MSRB3: variants seen among roughly 807,000 people sequenced by gnomAD.
MSRB3 encodes the protein methionine-R-sulfoxide reductase B3.
MSRB3 carries 13 observed loss-of-function variants against 21.0 expected under a neutral mutation model. The ratio of observed to expected loss-of-function variants is 0.62; its 90% CI spans 0.40 to 0.98. The LOEUF (loss-of-function observed/expected upper bound fraction) is 0.98, where lower values mean the gene tolerates loss of function less well. Ranked by LOEUF, MSRB3 falls within the 50% of genes least tolerant of loss-of-function variation. The pLI, the probability that MSRB3 is intolerant of heterozygous loss-of-function variation, is 0.00. For synonymous variants in MSRB3, 87 were observed against 88.6 expected, an observed-to-expected ratio of 0.98 and a Z score of 0.10; for missense variants, 199 against 230.3, an observed-to-expected ratio of 0.86 and a Z score of 0.88.
chr12:65,410,391 C>G (rs914209113), intron 5 of MSRB3, among the ~76,000 whole-genome samples: 5 of 152,154 alleles, frequency 3.3e-5, no homozygotes, highest in Admixed American at 3.3e-4. Context: ...TGTGGTGGCT[C>G]ATGCCTATAA....
At chr12:65,306,763 T>C (rs1873677349) in intron 1 of MSRB3, 8 of 827,954 alleles carry the variant, frequency 9.7e-6, no homozygotes, top group Non-Finnish European at 1.2e-5. Context: ...GGCAACAGAA[T>C]ATTAAATCAC....
At chr12:65,347,175 C>A (rs1360976307) in intron 4 of MSRB3, among the ~76,000 whole-genome samples, 1 of 152,170 alleles carries the variant, frequency 6.6e-6, no homozygotes, top group East Asian at 1.9e-4. Flanking sequence ...TTACCTTGGG[C>A]AGTATGGGCA....
chr12:65,294,663 T>G (rs543911918), intron 1 of MSRB3, among the ~76,000 whole-genome samples: 1 of 152,376 alleles, frequency 6.6e-6, no homozygotes, highest in African/African-American at 2.4e-5. Flanking sequence ...TTTTGTATTG[T>G]AACTTTATAT....
chr12:65,330,779 A>G (rs1276753290), intron 4 of MSRB3, among the ~76,000 whole-genome samples: 2 of 152,012 alleles, frequency 1.3e-5, no homozygotes, highest in African/African-American at 4.8e-5. Context: ...GTGAAATCGT[A>G]TTTCACCTTG....
chr12:65,323,546 T>G (rs1250743036), intron 2 of MSRB3, among the ~76,000 whole-genome samples: 1 of 152,192 alleles, frequency 6.6e-6, no homozygotes, highest in African/African-American at 2.4e-5. Context: ...GAAAAATCTT[T>G]CCCAAACATA....
At chr12:65,370,278 T>C (rs1016257931) in intron 5 of MSRB3, among the ~76,000 whole-genome samples, 35 of 152,292 alleles carry the variant, frequency 2.3e-4, no homozygotes, top group African/African-American at 7.9e-4. Context: ...CTTTTTCATT[T>C]TTTAAGTTAA....
At chr12:65,281,863 CT>C (rs1872042464) in intron 1 of MSRB3, 1 of 152,164 alleles carries the variant, frequency 6.6e-6, no homozygotes, top group African/African-American at 2.4e-5. Flanking sequence ...TTGGATCTAC[CT>C]ATCTGATTTA....
chr12:65,405,461 C>T (rs1592606202), intron 5 of MSRB3, among the ~76,000 whole-genome samples: 1 of 150,730 alleles, frequency 6.6e-6, no homozygotes, highest in Non-Finnish European at 1.5e-5. Context: ...ATATATACAC[C>T]ACATATTCCT....
intron 5 of MSRB3, among the ~76,000 whole-genome samples, chr12:65,434,916 G>A (rs999498023): frequency 2.6e-5 from 4 of 151,798 alleles, no homozygotes; most frequent in Non-Finnish European, 4.4e-5. Context: ...TAGTAGAGCC[G>A]GGATCGATTT....
At chr12:65,445,627 C>T (rs4762098) in intron 5 of MSRB3, among the ~76,000 whole-genome samples, 77,812 of 149,940 alleles carry the variant, frequency 0.52, 20,994 homozygotes, top group Non-Finnish European at 0.62. Flanking sequence ...AAATTCCCTA[C>T]TTTTCAAGAC....
intron 5 of MSRB3, among the ~76,000 whole-genome samples, chr12:65,383,759 C>T (rs1879067368): frequency 6.6e-6 from 1 of 150,840 alleles, no homozygotes; most frequent in African/African-American, 2.4e-5. Flanking sequence ...CTCCCTGGTT[C>T]AAGTGATTTT....
intron 4 of MSRB3, among the ~76,000 whole-genome samples, chr12:65,363,329 CAT>C (rs1408746075): frequency 2.0e-5 from 3 of 152,078 alleles, no homozygotes; most frequent in Non-Finnish European, 2.9e-5. Context: ...CTTCAATACA[CAT>C]AGAATTTTTG....
chr12:65,330,081 A>T (rs1005345116), intron 4 of MSRB3, among the ~76,000 whole-genome samples: 1 of 152,226 alleles, frequency 6.6e-6, no homozygotes. Flanking sequence ...CCAAATGGTA[A>T]AAATTGGCCA....
At chr12:65,296,173 T>G (rs1049381887) in intron 1 of MSRB3, among the ~76,000 whole-genome samples, 12 of 152,234 alleles carry the variant, frequency 7.9e-5, no homozygotes, top group African/African-American at 2.7e-4. Flanking sequence ...TATAATGATT[T>G]CTCTGACAGT....
intron 4 of MSRB3, among the ~76,000 whole-genome samples, chr12:65,342,696 T>C (rs534932238): frequency 3.3e-5 from 5 of 152,052 alleles, no homozygotes; most frequent in Non-Finnish European, 2.9e-5. Flanking sequence ...ATTCTTCTTA[T>C]GATACAAGAA....
At chr12:65,378,259 C>T (rs1368766569) in intron 5 of MSRB3, among the ~76,000 whole-genome samples, 2 of 151,950 alleles carry the variant, frequency 1.3e-5, no homozygotes, top group African/African-American at 2.4e-5. Flanking sequence ...TCCTTTAAAC[C>T]AAGGATCATA....
At chr12:65,403,456 C>G (rs913173292) in intron 5 of MSRB3, among the ~76,000 whole-genome samples, 2 of 152,190 alleles carry the variant, frequency 1.3e-5, no homozygotes, top group African/African-American at 2.4e-5. Context: ...GCCCCTCCCC[C>G]CACCAAGCTC....
At chr12:65,451,636 C>T (rs1174841680) in intron 5 of MSRB3, among the ~76,000 whole-genome samples, 1 of 152,076 alleles carries the variant, frequency 6.6e-6, no homozygotes, top group Non-Finnish European at 1.5e-5. Flanking sequence ...TCATGTTTCT[C>T]CTCTCCTAAA....
intron 5 of MSRB3, among the ~76,000 whole-genome samples, chr12:65,410,472 T>G (rs1468553138): frequency 6.6e-6 from 1 of 152,004 alleles, no homozygotes; most frequent in East Asian, 1.9e-4. Flanking sequence ...TGAAACCCTG[T>G]CTCTACAAAA....
Sources: gnomAD v4.1 joint callset for allele counts (sites outside exome capture counted in the v4.1 genomes callset) on GRCh38, gnomAD v4.1.1 for gene constraint, MANE v1.5 for transcripts, NCBI Gene and HGNC (gene_info 2026-07-23, HGNC 2026-07-21) for gene names.